ZNF423: variants seen among roughly 807,000 people sequenced by gnomAD.
ZNF423 encodes Ebf-associated zinc finger protein.
In ZNF423, 12 loss-of-function variants were observed where a neutral mutation model predicts 95.8. That is an observed-to-expected ratio of 0.13 (90% CI 0.08 to 0.20). ZNF423 has a LOEUF of 0.20. Among genes scored for constraint, ZNF423 ranks in the 10% least tolerant of loss-of-function variants. The pLI is 1.00. For synonymous variants in ZNF423, 749 were observed against 711.9 expected (o/e 1.05, Z -0.83); for missense variants, 1,316 against 1,737.1 (o/e 0.76, Z 4.31).
At chr16:49,744,017 G>C (rs2033469745) in intron 2 of ZNF423, among the ~76,000 whole-genome samples, 1 of 152,040 alleles carries the variant, frequency 6.6e-6, no homozygotes, top group South Asian at 2.1e-4. Flanking sequence ...CCACTCACTG[G>C]AGGAGGGTGG....
intron 7 of ZNF423, among the ~76,000 whole-genome samples, chr16:49,523,387 T>C (rs1017547428): frequency 6.6e-6 from 1 of 152,174 alleles, no homozygotes; most frequent in African/African-American, 2.4e-5. Context: ...ACACCTCAAA[T>C]GTAAGCTTCT....
At chr16:49,799,419 G>A (rs879620192) in intron 1 of ZNF423, among the ~76,000 whole-genome samples, 9 of 100,750 alleles carry the variant, frequency 8.9e-5, no homozygotes, top group African/African-American at 2.7e-4. Flanking sequence ...AGCCCACCCC[G>A]CCCCACCCAC....
chr16:49,632,109 T>C (rs1397823065), intron 4 of ZNF423, among the ~76,000 whole-genome samples: 1 of 152,102 alleles, frequency 6.6e-6, no homozygotes, highest in Admixed American at 6.5e-5. Flanking sequence ...ACCGTGGGGA[T>C]CTGCAGGATC....
At chr16:49,796,327 C>A (rs112771352) in intron 1 of ZNF423, among the ~76,000 whole-genome samples, 1 of 152,124 alleles carries the variant, frequency 6.6e-6, no homozygotes, top group Non-Finnish European at 1.5e-5. Flanking sequence ...TGGCACTAGG[C>A]AGACACCTGC....
intron 5 of ZNF423, among the ~76,000 whole-genome samples, chr16:49,561,713 C>T (rs900878425): frequency 2.0e-5 from 3 of 152,192 alleles, no homozygotes; most frequent in African/African-American, 7.2e-5. Flanking sequence ...TAATTTCTCA[C>T]TTCAGGTGCA....
intron 7 of ZNF423, among the ~76,000 whole-genome samples, chr16:49,516,017 A>AC (rs1391100158): frequency 2.0e-5 from 3 of 152,032 alleles, no homozygotes; most frequent in Non-Finnish European, 4.4e-5. Context: ...GCTGTCTTGC[A>AC]CCCCCAGTCA....
At chr16:49,642,252 G>A (rs1972998131) in intron 3 of ZNF423, among the ~76,000 whole-genome samples, 1 of 152,142 alleles carries the variant, frequency 6.6e-6, no homozygotes, top group African/African-American at 2.4e-5. Flanking sequence ...GGGAGGTGAG[G>A]AACTGGCCCC....
chr16:49,499,314 C>T (rs1967293038), intron 7 of ZNF423, among the ~76,000 whole-genome samples: 1 of 152,206 alleles, frequency 6.6e-6, no homozygotes, highest in Non-Finnish European at 1.5e-5. Flanking sequence ...GTCTGCCACC[C>T]CGGAGCAGCA....
At chr16:49,777,108 T>G (rs2034134342) in intron 2 of ZNF423, among the ~76,000 whole-genome samples, 1 of 152,250 alleles carries the variant, frequency 6.6e-6, no homozygotes, top group Admixed American at 6.5e-5. Flanking sequence ...TGCATACCTG[T>G]GTCTGCAGGC....
chr16:49,589,635 C>A (rs1000765006), intron 5 of ZNF423, among the ~76,000 whole-genome samples: 1 of 151,946 alleles, frequency 6.6e-6, no homozygotes, highest in Non-Finnish European at 1.5e-5. Context: ...AGGGGCTCAG[C>A]GGTTTCAAAA....
rs553781651 is a variant in ZNF423, at chr16:49,577,428, G to A, written c.3601+48742C>T. On this transcript the variant is annotated intron_variant, in intron 5 of 7. Transcript: ENST00000563137. Reference sequence around the variant, plus strand: ...CTAGTTGCCCAGAGAGCAGAGTGCAGAACTGAGGCTCACACCCAGACAGAC... The same window carrying A: ...CTAGTTGCCCAGAGAGCAGAGTGCAAAACTGAGGCTCACACCCAGACAGAC... 2.6e-5 allele frequency among the ~76,000 whole-genome samples: 4 copies of A among 152,224 alleles called. No homozygotes were observed. In the East Asian group the frequency reaches 7.7e-4, roughly 29 times the overall value.
chr16:49,763,463 T>C lies in ZNF423; in HGVS notation c.100+26024A>G, dbSNP rs1026713516. Among the ~76,000 whole-genome samples, 5 of 152,024 alleles carry C rather than the reference T, an allele frequency of 3.3e-5. No homozygotes were observed. In the East Asian group the frequency reaches 7.7e-4, roughly 24 times the overall value. ...CTAATTTTTGTATTTTTTCTAGACA[T>C]GGGGTTTTGCCTTGCTGGACAGCAA... On this transcript the variant is annotated intron_variant, in intron 2 of 7. Coordinates refer to ENST00000563137, the MANE Select transcript of ZNF423 (RefSeq NM_001379286.1).
chr16:49,600,511 A>C (rs1299365377), intron 5 of ZNF423, among the ~76,000 whole-genome samples: 1 of 151,932 alleles, frequency 6.6e-6, no homozygotes, highest in African/African-American at 2.4e-5. Flanking sequence ...TCACAATTCT[A>C]AACTCAGGGT....
chr16:49,626,057 A>T, intron 5 of ZNF423, 113 bp downstream of exon 5: 1 of 1,013,512 alleles, frequency 9.9e-7, no homozygotes, highest in Non-Finnish European at 1.5e-6. Context: ...TCTCAGAAAC[A>T]GCAGCAGTGA....
At chr16:49,664,153 T>C in intron 3 of ZNF423, 1 of 985,622 alleles carries the variant, frequency 1.0e-6, no homozygotes, top group Non-Finnish European at 1.2e-6. Flanking sequence ...GGCCAGAACC[T>C]GAGCCCGGGT....
chr16:49,595,485 C>T (rs1032256423), intron 5 of ZNF423, among the ~76,000 whole-genome samples: 1 of 152,204 alleles, frequency 6.6e-6, no homozygotes, highest in African/African-American at 2.4e-5. Context: ...AGGGAGAGAT[C>T]TGCAACTCAT....
intron 5 of ZNF423, among the ~76,000 whole-genome samples, chr16:49,601,547 C>T (rs1971373865): frequency 6.6e-6 from 1 of 151,812 alleles, no homozygotes; most frequent in Non-Finnish European, 1.5e-5. Context: ...AGTGTGGATC[C>T]CAGAAGGGGA....
At chr16:49,699,821 G>A (rs2032107548) in intron 3 of ZNF423, among the ~76,000 whole-genome samples, 1 of 152,184 alleles carries the variant, frequency 6.6e-6, no homozygotes, top group African/African-American at 2.4e-5. Flanking sequence ...CTTGGGAAGT[G>A]GGCTAAATTT....
At chr16:49,797,149 G>A (rs946856816) in intron 1 of ZNF423, among the ~76,000 whole-genome samples, 10 of 152,124 alleles carry the variant, frequency 6.6e-5, no homozygotes, top group South Asian at 2.1e-4. Flanking sequence ...AGGGGACAGC[G>A]AGAGACCCAA....
Sources: gnomAD v4.1 joint callset for allele counts (sites outside exome capture counted in the v4.1 genomes callset) on GRCh38, gnomAD v4.1.1 for gene constraint, MANE v1.5 for transcripts, NCBI Gene and HGNC (gene_info 2026-07-23, HGNC 2026-07-21) for gene names.